PRH1: variants seen among roughly 807,000 people sequenced by gnomAD.
PRH1 encodes salivary acidic proline-rich phosphoprotein 1/2.
Under a neutral mutation model 7.9 loss-of-function variants are expected in PRH1, and 7 were observed. That is an observed-to-expected ratio of 0.89 (90% CI 0.50 to 1.67). The LOEUF is 1.67. Among genes scored for constraint, PRH1 ranks in the 40% most tolerant of loss-of-function variants. The pLI, the probability that PRH1 is intolerant of heterozygous loss-of-function variation, is 0.00. For synonymous variants in PRH1, 45 were observed against 80.8 expected, an observed-to-expected ratio of 0.56 and a Z score of 2.38; for missense variants, 109 against 223.6, an observed-to-expected ratio of 0.49 and a Z score of 3.27.
intron 1 of PRH1, chr12:11,061,338 A>C: frequency 6.3e-7 from 1 of 1,590,374 alleles, no homozygotes; most frequent in Non-Finnish European, 8.5e-7. Context: ...TTTCTGCTAG[A>C]AGATACACAA....
downstream of PRH1, among the ~76,000 whole-genome samples, chr12:11,120,357 G>A (rs1945858990): frequency 6.6e-6 from 1 of 152,120 alleles, no homozygotes. Flanking sequence ...GTAGGGACCA[G>A]ACAAAGCTTT....
intron 1 of PRH1, among the ~76,000 whole-genome samples, chr12:11,001,481 G>A (rs1425153047): frequency 5.9e-5 from 9 of 152,008 alleles, no homozygotes; most frequent in Admixed American, 5.9e-4. Flanking sequence ...ATGACTTGGG[G>A]CAGGATGGGA....
At chr12:10,883,008 A>G in intron 2 of PRH1, 53 bp downstream of exon 2, 1 of 1,587,838 alleles carries the variant, frequency 6.3e-7, no homozygotes, top group African/African-American at 1.3e-5. Flanking sequence ...GAACTCATCA[A>G]TTTTTCAGGG....
chr12:11,028,491 G>A (rs1423486872), intron 1 of PRH1, among the ~76,000 whole-genome samples: 1 of 152,138 alleles, frequency 6.6e-6, no homozygotes, highest in Admixed American at 6.5e-5. Context: ...ACACGTCCTT[G>A]CCATTTTTGT....
chr12:11,009,953 T>C (rs1940993671), intron 1 of PRH1, among the ~76,000 whole-genome samples: 2 of 151,998 alleles, frequency 1.3e-5, no homozygotes, highest in Non-Finnish European at 2.9e-5. Context: ...TGTGAGGGCT[T>C]ACTTCTGTTT....
chr12:11,112,920 T>C (rs1945631385), intron 1 of PRH1, among the ~76,000 whole-genome samples: 1 of 151,996 alleles, frequency 6.6e-6, no homozygotes, highest in Non-Finnish European at 1.5e-5. Context: ...CAGCCCCAAA[T>C]CTCCTTAAGC....
At chr12:11,002,374 ATC>A (rs573644529) in intron 1 of PRH1, among the ~76,000 whole-genome samples, 1 of 152,044 alleles carries the variant, frequency 6.6e-6, no homozygotes, top group Non-Finnish European at 1.5e-5. Context: ...ACAGACAAAG[ATC>A]CTCAGACAGT....
chr12:10,930,976 C>A (rs561721607), intron 2 of PRH1: 2 of 1,597,612 alleles, frequency 1.3e-6, no homozygotes, highest in Admixed American at 1.7e-5. Flanking sequence ...GCAAGGTCCT[C>A]CCCCACCTCC....
chr12:11,080,442 TTTC>T (rs1440412651), intron 1 of PRH1, among the ~76,000 whole-genome samples: 221 of 81,446 alleles, frequency 2.7e-3, no homozygotes, highest in Admixed American at 4.1e-3. Flanking sequence ...ATGAGCATTC[TTTC>T]ACATATCATT....
chr12:11,019,352 T>G (rs1432108120), intron 1 of PRH1, among the ~76,000 whole-genome samples: 1 of 152,272 alleles, frequency 6.6e-6, no homozygotes, highest in Non-Finnish European at 1.5e-5. Context: ...GTTTTACATC[T>G]TCTTTTGCCT....
intron 1 of PRH1, among the ~76,000 whole-genome samples, chr12:10,988,966 C>A (rs1939790795): frequency 6.6e-6 from 1 of 152,150 alleles, no homozygotes; most frequent in African/African-American, 2.4e-5. Flanking sequence ...GCCACCACAC[C>A]CAGCTAACTT....
chr12:10,977,108 A>G (rs1939139315), intron 1 of PRH1, among the ~76,000 whole-genome samples: 2 of 152,150 alleles, frequency 1.3e-5, no homozygotes, highest in African/African-American at 4.8e-5. Context: ...CAGAGACACA[A>G]CAAAAAATAG....
chr12:11,112,321 G>A (rs1945612698), intron 1 of PRH1, among the ~76,000 whole-genome samples: 2 of 152,170 alleles, frequency 1.3e-5, no homozygotes, highest in African/African-American at 4.8e-5. Context: ...GCATCATCCT[G>A]ATTCCAAAAC....
chr12:11,041,074 T>C (rs1942686292), intron 1 of PRH1, among the ~76,000 whole-genome samples: 1 of 149,896 alleles, frequency 6.7e-6, no homozygotes, highest in African/African-American at 2.5e-5. Flanking sequence ...AGAAAAGAAA[T>C]AATAAAATGA....
intron 1 of PRH1, among the ~76,000 whole-genome samples, chr12:10,985,254 T>C (rs1298581874): frequency 6.6e-6 from 1 of 152,152 alleles, no homozygotes; most frequent in Non-Finnish European, 1.5e-5. Flanking sequence ...AATGTTCACA[T>C]ATTTGTATTA....
chr12:11,132,488 CA>C (rs906984947), intron 1 of PRH1, among the ~76,000 whole-genome samples: 12 of 152,216 alleles, frequency 7.9e-5, no homozygotes, highest in African/African-American at 2.9e-4. Context: ...AGCTCAATTT[CA>C]AAAAAAGTTT....
intron 1 of PRH1, among the ~76,000 whole-genome samples, chr12:11,099,482 A>C (rs998682370): frequency 6.6e-6 from 1 of 152,128 alleles, no homozygotes; most frequent in Admixed American, 6.6e-5. Context: ...GCAGATCACG[A>C]GGTCAAGAGA....
At chr12:11,168,954 A>T (rs143588477) in intron 1 of PRH1, among the ~76,000 whole-genome samples, 1 of 152,376 alleles carries the variant, frequency 6.6e-6, no homozygotes, top group East Asian at 1.9e-4. Flanking sequence ...CAAAGGGTTG[A>T]GTACTGATCA....
intron 2 of PRH1, among the ~76,000 whole-genome samples, chr12:10,890,550 G>T (rs1191951798): frequency 6.6e-6 from 1 of 151,994 alleles, no homozygotes; most frequent in African/African-American, 2.4e-5. Context: ...TTTATAGAAT[G>T]CAGGAAAAAA....
Sources: gnomAD v4.1 joint callset for allele counts (sites outside exome capture counted in the v4.1 genomes callset) on GRCh38, gnomAD v4.1.1 for gene constraint, MANE v1.5 for transcripts, NCBI Gene and HGNC (gene_info 2026-07-23, HGNC 2026-07-21) for gene names.